DTD1: variants seen among roughly 807,000 people sequenced by gnomAD.
DTD1 encodes D-aminoacyl-tRNA deacylase 1, also known as D-tyrosyl-tRNA deacylase 1 homolog.
DTD1 carries 13 observed loss-of-function variants against 25.6 expected under a neutral mutation model. The ratio of observed to expected loss-of-function variants is 0.51; its 90% CI spans 0.33 to 0.81. The LOEUF is 0.81. Among genes scored for constraint, DTD1 ranks in the 30% least tolerant of loss-of-function variants. The pLI is 0.02. For missense variants in DTD1, 193 were observed against 266.4 expected, an observed-to-expected ratio of 0.72 and a Z score of 1.92; for synonymous variants, 110 against 103.6, an observed-to-expected ratio of 1.06 and a Z score of -0.37.
At chr20:18,743,673 C>CAAAAAAAAAAAAAAAAAAAAAAAAAAA (rs11474877) in intron 4 of DTD1, among the ~76,000 whole-genome samples, 1 of 105,112 alleles carries the variant, frequency 9.5e-6, no homozygotes, top group African/African-American at 3.9e-5. Context: ...GACCCTGTCT[C>CAAAAAAAAAAAAAAAAAAAAAAAAAAA]AAAAAAAAAA....
chr20:18,677,766 CCT>C (rs981351498), intron 4 of DTD1, among the ~76,000 whole-genome samples: 7 of 152,158 alleles, frequency 4.6e-5, no homozygotes, highest in African/African-American at 1.7e-4. Context: ...TCCCGAATTC[CCT>C]CTTATTTTTC....
chr20:18,709,267 G>T (rs1009349026), intron 4 of DTD1, among the ~76,000 whole-genome samples: 10 of 152,120 alleles, frequency 6.6e-5, no homozygotes, highest in African/African-American at 2.4e-4. Flanking sequence ...TGGCAGCCCT[G>T]CACAGAAAGG....
chr20:18,720,820 T>C (rs2061199916), intron 4 of DTD1, among the ~76,000 whole-genome samples: 1 of 152,022 alleles, frequency 6.6e-6, no homozygotes, highest in Non-Finnish European at 1.5e-5. Flanking sequence ...ATCAAACCAC[T>C]GCACTCCAGC....
At chr20:18,610,476 T>A (rs1025016445) in intron 3 of DTD1, among the ~76,000 whole-genome samples, 1 of 152,218 alleles carries the variant, frequency 6.6e-6, no homozygotes, top group Admixed American at 6.5e-5. Context: ...TGGATCAGAA[T>A]TTAAGCTCAT....
At chr20:18,708,218 A>ATCT (rs1568676578) in intron 4 of DTD1, among the ~76,000 whole-genome samples, 2 of 5,658 alleles carry the variant, frequency 3.5e-4, no homozygotes, top group Non-Finnish European at 1.2e-3. Context: ...TTATATATAT[A>ATCT]ATATATATAT....
Position 18,744,261 on chromosome 20 carries a change from G to A in DTD1, c.*9G>A, listed in dbSNP as rs769319873. The A allele has an allele frequency of 3.1e-6, 5 of 1,610,962 alleles. No homozygotes were observed. The highest frequency in any genetic ancestry group is 4.2e-6 in the Non-Finnish European group (5 of 1,179,726). On this transcript the variant is annotated 3_prime_UTR_variant, in exon 5 of 6. Coordinates refer to ENST00000377452, the MANE Select transcript of DTD1 (RefSeq NM_080820.6). Reference sequence around the variant, plus strand: ...CTGAACGGGAGCCGTAGCTCAGGAGGCAGAATTCAGGTAGGAGTTTCCCTG... The same window carrying A: ...CTGAACGGGAGCCGTAGCTCAGGAGACAGAATTCAGGTAGGAGTTTCCCTG...
chr20:18,646,914 A>G (rs1448239963), intron 4 of DTD1, among the ~76,000 whole-genome samples: 1 of 152,194 alleles, frequency 6.6e-6, no homozygotes, highest in Admixed American at 6.5e-5. Context: ...AATGAGCCAT[A>G]TGGACCCCAT....
chr20:18,603,803 A>G (rs1236062101), intron 3 of DTD1, among the ~76,000 whole-genome samples: 2 of 107,766 alleles, frequency 1.9e-5, no homozygotes, highest in African/African-American at 7.0e-5. Context: ...ATAGCACTAA[A>G]TGCCCACAAG....
chr20:18,657,218 G>T (rs2060894397), intron 4 of DTD1, among the ~76,000 whole-genome samples: 3 of 152,164 alleles, frequency 2.0e-5, no homozygotes, highest in Non-Finnish European at 4.4e-5. Context: ...CAACAAATGA[G>T]CAGGATGCGC....
chr20:18,759,846 A>G (rs1342972497), intron 5 of DTD1, among the ~76,000 whole-genome samples: 1 of 152,100 alleles, frequency 6.6e-6, no homozygotes, highest in Non-Finnish European at 1.5e-5. Flanking sequence ...ACTTGGTTCC[A>G]TTCTCCCCGT....
intron 4 of DTD1, among the ~76,000 whole-genome samples, chr20:18,738,320 G>C (rs562189136): frequency 6.6e-5 from 10 of 152,304 alleles, no homozygotes; most frequent in African/African-American, 2.4e-4. Flanking sequence ...TTGCTGTCTT[G>C]TTTATGTCCA....
At chr20:18,606,843 G>A (rs1307572737) in intron 3 of DTD1, among the ~76,000 whole-genome samples, 3 of 148,714 alleles carry the variant, frequency 2.0e-5, no homozygotes, top group South Asian at 2.2e-4. Flanking sequence ...CGAGTTAGTG[G>A]GTGTAGCGCA....
At chr20:18,624,088 G>A (rs371159969) in intron 3 of DTD1, among the ~76,000 whole-genome samples, 1 of 152,072 alleles carries the variant, frequency 6.6e-6, no homozygotes, top group Non-Finnish European at 1.5e-5. Context: ...TGGAGCCTAT[G>A]TTAGGCTGCT....
intron 5 of DTD1, among the ~76,000 whole-genome samples, chr20:18,752,835 G>A (rs1052695101): frequency 3.3e-5 from 5 of 152,168 alleles, no homozygotes. Flanking sequence ...CAAACCTTAA[G>A]TGTCATTCTG....
chr20:18,743,041 C>T (rs546554278), intron 4 of DTD1, among the ~76,000 whole-genome samples: 111 of 152,352 alleles, frequency 7.3e-4, no homozygotes, highest in South Asian at 1.9e-3. Flanking sequence ...CCGGTCTTCT[C>T]TGCTGGGTTT....
chr20:18,600,478 G>A (rs1200858158), intron 3 of DTD1, among the ~76,000 whole-genome samples: 1 of 152,052 alleles, frequency 6.6e-6, no homozygotes, highest in Non-Finnish European at 1.5e-5. Context: ...TTCTTTCATT[G>A]ATACCACACT....
At chr20:18,689,112 G>A (rs1382893327) in intron 4 of DTD1, among the ~76,000 whole-genome samples, 2 of 152,122 alleles carry the variant, frequency 1.3e-5, no homozygotes, top group African/African-American at 2.4e-5. Flanking sequence ...AGCTCTCCAC[G>A]GCCCCGTTTT....
chr20:18,652,512 A>G (rs187540119), intron 4 of DTD1, among the ~76,000 whole-genome samples: 4 of 152,208 alleles, frequency 2.6e-5, no homozygotes, highest in Non-Finnish European at 5.9e-5. Context: ...TGCAGCCTGG[A>G]GGGCCTCAGA....
rs1311357225 is a variant in DTD1, at chr20:18,708,291, ATATATAATATATATATTT to A, written c.478-35802_478-35785del. Among the ~76,000 whole-genome samples, 9 of 58,768 alleles carry A rather than the reference ATATATAATATATATATTT, an allele frequency of 1.5e-4. 2 individuals carry two copies. Among genetic ancestry groups the A allele is most frequent in the Non-Finnish European group, 2.8e-4 (9 of 32,312 alleles). The allele number at this position is 58,768 out of a possible 152,430, so 38.6% of individuals were successfully genotyped here. A position where few individuals can be genotyped will look rare whatever the true frequency, so the allele number is the denominator to read the frequency against. ...TATATATATATAATATATATTATAT[ATATATAATATATATATTT>A]TATATATATATTATATATATATATT... On this transcript the variant is annotated intron_variant, in intron 4 of 5. Coordinates refer to ENST00000377452, the MANE Select transcript of DTD1 (RefSeq NM_080820.6).
Sources: gnomAD v4.1 joint callset for allele counts (sites outside exome capture counted in the v4.1 genomes callset) on GRCh38, gnomAD v4.1.1 for gene constraint, MANE v1.5 for transcripts, NCBI Gene and HGNC (gene_info 2026-07-23, HGNC 2026-07-21) for gene names.